The following PCDHGB3 variants were observed in gnomAD, a reference collection of about 807,000 sequenced individuals.
PCDHGB3 encodes the protein protocadherin gamma subfamily B, 3.
In PCDHGB3, 40 loss-of-function variants were observed where a neutral mutation model predicts 59.2. That is an observed-to-expected ratio of 0.68 (90% CI 0.52 to 0.88). The LOEUF (loss-of-function observed/expected upper bound fraction) is 0.88. Among genes scored for constraint, PCDHGB3 ranks in the 40% least tolerant of loss-of-function variants. The pLI is 0.00. For synonymous variants in PCDHGB3, 581 were observed against 503.6 expected (o/e 1.15, Z -2.06); for missense variants, 1,309 against 1,187.9 (o/e 1.10, Z -1.50).
intron 1 of PCDHGB3, chr5:141,430,857 A>T: frequency 6.3e-7 from 1 of 1,591,434 alleles, no homozygotes; most frequent in Non-Finnish European, 8.5e-7. Flanking sequence ...CAGATACGCT[A>T]TTCAGTTCCG....
intron 1 of PCDHGB3, chr5:141,420,414 T>C: frequency 8.2e-7 from 1 of 1,221,674 alleles, no homozygotes; most frequent in Non-Finnish European, 1.1e-6. Flanking sequence ...GTTATCATTA[T>C]TAAAACAAAA....
chr5:141,419,240 G>A lies in PCDHGB3; in HGVS notation c.2415+46431G>A, dbSNP rs753956971. On this transcript the variant is annotated intron_variant, in intron 1 of 3. Coordinates refer to ENST00000576222, the MANE Select transcript of PCDHGB3 (RefSeq NM_018924.5). ...CGGACAGTCAGCCTACCTGGTCCAC[G>A]TGCCAGAAAACAACCAGCCGGGTGC... is the stretch of plus-strand genomic sequence containing the variant. 6.8e-6 allele frequency: 11 copies of A among 1,613,862 alleles called. No individual in the cohort carries two copies. The highest frequency in any genetic ancestry group is 1.7e-5 in the Admixed American group (1 of 60,018).
At chr5:141,394,968 T>C in intron 1 of PCDHGB3, 1 of 1,613,938 alleles carries the variant, frequency 6.2e-7, no homozygotes, top group Non-Finnish European at 8.5e-7. Context: ...GCTGAGGCGC[T>C]GGCACAAGTC....
chr5:141,404,617 G>A (rs760355068), intron 1 of PCDHGB3: 4 of 1,614,032 alleles, frequency 2.5e-6, no homozygotes, highest in Non-Finnish European at 2.5e-6. Flanking sequence ...TTTTGGACCA[G>A]AATGACAATG....
chr5:141,424,799 A>G (rs552155487), intron 1 of PCDHGB3: 90 of 152,274 alleles, frequency 5.9e-4, no homozygotes, highest in African/African-American at 2.1e-3. Context: ...ATTCAGACCA[A>G]CTTGTTATTG....
At chr5:141,413,449 G>T in intron 1 of PCDHGB3, 2 of 1,614,120 alleles carry the variant, frequency 1.2e-6, no homozygotes, top group South Asian at 2.2e-5. Context: ...GATCACCGCG[G>T]GCAGGATAGA....
intron 1 of PCDHGB3, chr5:141,421,468 C>G: frequency 1.2e-6 from 2 of 1,614,096 alleles, no homozygotes; most frequent in Non-Finnish European, 1.7e-6. Flanking sequence ...TGTGAATCCG[C>G]GAAGCGGCAG....
At position 141,490,632 on chromosome 5, in the gene PCDHGB3, A is replaced by C; in HGVS notation, c.2416-4175A>C. Reference sequence around the variant, plus strand: ...AGCAGCTTTACACTGCTTACATCCTAGAAAACCGGCCTCCGGGCTCCCTTC... The same window carrying C: ...AGCAGCTTTACACTGCTTACATCCTCGAAAACCGGCCTCCGGGCTCCCTTC... On this transcript the variant is annotated intron_variant, in intron 1 of 3. Transcript: ENST00000576222. This position sits in a 1 kb window ranked among gnomAD's most constrained non-coding sequence, Gnocchi z 5.4. The C allele has an allele frequency of 1.2e-6, 2 of 1,614,196 alleles. No individual in the cohort carries two copies. Among genetic ancestry groups the C allele is most frequent in the South Asian group, 1.1e-5 (1 of 91,088 alleles).
chr5:141,389,194 C>A (rs760691972), intron 1 of PCDHGB3: 15 of 1,613,922 alleles, frequency 9.3e-6, no homozygotes, highest in Non-Finnish European at 1.0e-5. Context: ...TCCAGCATCA[C>A]CCTGCACATT....
At chr5:141,398,700 C>T in intron 1 of PCDHGB3, 1 of 1,613,844 alleles carries the variant, frequency 6.2e-7, no homozygotes, top group Non-Finnish European at 8.5e-7. Context: ...GTAGTAAATA[C>T]CCGGAACTGG....
chr5:141,371,943 C>T lies in PCDHGB3; in HGVS notation c.1549C>T (p.Gln517Ter). The T allele has an allele frequency of 6.2e-7, 1 of 1,613,302 alleles. No homozygotes were observed. The highest frequency in any genetic ancestry group is 8.5e-7 in the Non-Finnish European group (1 of 1,179,902). The change falls in exon 1 of 4, where the codon CAG (glutamine) becomes TAG (stop). Residue 517 changes from glutamine (Q) to a stop codon, truncating the protein, a stop_gained. Coordinates refer to ENST00000576222, the MANE Select transcript of PCDHGB3 (RefSeq NM_018924.5). LOFTEE classifies it high-confidence loss of function. ...VSARSGVVFA[Q>*]RAFDHEQLRA... ...CGCGCGGAGCGGGGTGGTGTTCGCGCAGCGAGCCTTCGACCACGAGCAGCT... is the reference window on the plus strand; with the variant it reads ...CGCGCGGAGCGGGGTGGTGTTCGCGTAGCGAGCCTTCGACCACGAGCAGCT...
At chr5:141,389,538 G>C (rs772693461) in intron 1 of PCDHGB3, 1 of 1,613,186 alleles carries the variant, frequency 6.2e-7, no homozygotes, top group African/African-American at 1.3e-5. Flanking sequence ...GTTAGTGGAC[G>C]ACCGCAACGA....
chr5:141,400,337 C>G (rs752660585), intron 1 of PCDHGB3: 7 of 1,614,080 alleles, frequency 4.3e-6, no homozygotes, highest in African/African-American at 2.7e-5. Flanking sequence ...GTGGTTCCCC[C>G]CAACTACAGT....
intron 2 of PCDHGB3, among the ~76,000 whole-genome samples, chr5:141,503,596 C>T (rs1267014587): frequency 7.7e-6 from 1 of 129,694 alleles, no homozygotes; most frequent in African/African-American, 3.3e-5. Context: ...GAGACTCCAG[C>T]TCAAAAAAAA....
rs1210499024 is a variant in PCDHGB3 at position 141,431,784 on chromosome 5, A to T, written c.2415+58975A>T. ...CTGATCACTGTTCTGGACGTGAACG[A>T]CAATGCCCCAGAAGTGGTCCTCACC... On this transcript the variant is annotated intron_variant, in intron 1 of 3. Transcript: ENST00000576222. This position sits in a 1 kb window ranked among gnomAD's most constrained non-coding sequence, Gnocchi z 4.8. The T allele has an allele frequency of 6.2e-7, 1 of 1,614,102 alleles. No homozygotes were observed. The highest frequency in any genetic ancestry group is 8.5e-7 in the Non-Finnish European group (1 of 1,180,030).
intron 1 of PCDHGB3, chr5:141,376,579 T>C: frequency 6.3e-7 from 1 of 1,590,894 alleles, no homozygotes; most frequent in Non-Finnish European, 8.6e-7. Context: ...GACAGGCTCA[T>C]CAGCTAGATC....
Position 141,490,480 on chromosome 5 carries a change from C to G in PCDHGB3, c.2416-4327C>G. On this transcript the variant is annotated intron_variant, in intron 1 of 3. Coordinates refer to ENST00000576222, the MANE Select transcript of PCDHGB3 (RefSeq NM_018924.5). This position sits in a 1 kb window ranked among gnomAD's most constrained non-coding sequence, Gnocchi z 5.4. The stretch of plus-strand genomic sequence containing the variant: ...GCTGCTAACCAGCCAGCCTTTGGAC[C>G]GGGAGGCCACATCCCACTATATCAT... 2.5e-6 allele frequency: 4 copies of G among 1,614,194 alleles called. No homozygotes were observed. The highest frequency in any genetic ancestry group is 3.4e-6 in the Non-Finnish European group (4 of 1,180,050).
At chr5:141,376,411 C>T in intron 1 of PCDHGB3, 1 of 1,614,182 alleles carries the variant, frequency 6.2e-7, no homozygotes, top group Non-Finnish European at 8.5e-7. Flanking sequence ...CCAACTATGC[C>T]GACACGCTTA....
intron 1 of PCDHGB3, 52 bp downstream of exon 1, chr5:141,372,861 T>C (rs1283954034): frequency 7.0e-7 from 1 of 1,420,218 alleles, no homozygotes; most frequent in South Asian, 1.4e-5. Context: ...TTTCAATTCA[T>C]TGATTTAGAG....
Sources: allele counts gnomAD v4.1 joint callset (sites outside exome capture counted in the v4.1 genomes callset), GRCh38; gene constraint gnomAD v4.1.1; non-coding constraint Gnocchi (gnomAD v3.1); transcripts MANE v1.5; gene names NCBI Gene and HGNC (gene_info 2026-07-23, HGNC 2026-07-21).